The following PMPCB variants were observed in gnomAD, a reference collection of about 807,000 sequenced individuals.
PMPCB encodes the protein peptidase, mitochondrial processing subunit beta.
Under a neutral mutation model 61.5 loss-of-function variants are expected in PMPCB, and 46 were observed. The ratio of observed to expected loss-of-function variants is 0.75; its 90% CI spans 0.59 to 0.96. The LOEUF (loss-of-function observed/expected upper bound fraction) is 0.96, where lower values mean the gene tolerates loss of function less well. Ranked by LOEUF, PMPCB falls within the 40% of genes least tolerant of loss-of-function variation. The pLI is 0.00. For synonymous variants in PMPCB, 191 were observed against 201.6 expected (o/e 0.95, Z 0.44); for missense variants, 590 against 602.4 (o/e 0.98, Z 0.22).
chr7:103,346,139 GT>G, the PMPCB span, among the ~76,000 whole-genome samples: 2 of 151,404 alleles, frequency 1.3e-5, no homozygotes, highest in African/African-American at 4.9e-5. Context: ...TTTTTTTGTT[GT>G]TTTCTTTTCT....
At chr7:103,344,620 C>T in the PMPCB span, 2 of 1,610,668 alleles carry the variant, frequency 1.2e-6, no homozygotes, top group South Asian at 1.1e-5. Flanking sequence ...GCAGAAGCAG[C>T]ATGATGGCGC....
At chr7:103,318,432 C>T (rs1017854372), downstream of PMPCB, among the ~76,000 whole-genome samples, 2 of 152,182 alleles carry the variant, frequency 1.3e-5, no homozygotes, top group Non-Finnish European at 2.9e-5. Context: ...TTCTGACCTT[C>T]ATTTTAACTC....
At chr7:103,320,909 T>A (rs1449696221) in intron 12 of PMPCB, 2 of 161,382 alleles carry the variant, frequency 1.2e-5, no homozygotes, top group Non-Finnish European at 2.7e-5. Flanking sequence ...GAAATACATT[T>A]ATGCTTGGCC....
chr7:103,321,718 A>AGG (rs1267412985), intron 12 of PMPCB, among the ~76,000 whole-genome samples: 3 of 152,038 alleles, frequency 2.0e-5, no homozygotes, highest in East Asian at 1.9e-4. Context: ...GCGTGGTGGC[A>AGG]CACGCCTGTA....
chr7:103,341,613 A>G, the PMPCB span: 1 of 576,174 alleles, frequency 1.7e-6, no homozygotes, highest in African/African-American at 1.9e-5. Flanking sequence ...GGCTAGTGCT[A>G]ATGCTCTCAA....
At chr7:103,341,724 CA>C in the PMPCB span, 1 of 1,467,056 alleles carries the variant, frequency 6.8e-7, no homozygotes, top group Non-Finnish European at 9.1e-7. Context: ...CTATGTCTAA[CA>C]AAGCATCTGA....
chr7:103,342,746 C>A, the PMPCB span, among the ~76,000 whole-genome samples: 1 of 147,982 alleles, frequency 6.8e-6, no homozygotes, highest in South Asian at 2.2e-4. Context: ...GTAGCTGGGA[C>A]TACAGGCACC....
At chr7:103,297,911 T>C (rs1224433596) in intron 1 of PMPCB, 2 of 1,303,976 alleles carry the variant, frequency 1.5e-6, no homozygotes, top group Non-Finnish European at 2.0e-6. Flanking sequence ...AAGACTGAAC[T>C]TCGTCCTCAG....
chr7:103,309,728 G>C (rs1045250924), intron 8 of PMPCB, among the ~76,000 whole-genome samples: 1 of 152,128 alleles, frequency 6.6e-6, no homozygotes, highest in African/African-American at 2.4e-5. Flanking sequence ...TAATTTCCTT[G>C]TTTTTCACAA....
Position 103,309,063 on chromosome 7 carries a change from G to A in PMPCB, c.961G>A (p.Gly321Ser). 1 of 1,607,658 alleles carries A rather than the reference G, an allele frequency of 6.2e-7. No homozygotes were observed. The highest frequency in any genetic ancestry group is 8.5e-7 in the Non-Finnish European group (1 of 1,176,616). The change falls in exon 8 of 13, where the codon GGC becomes AGC. Residue 321 changes from glycine to serine, a missense_variant. Physicochemically the swap from Gly to Ser is moderately conservative, Grantham distance 56 (BLOSUM62 0). Coordinates refer to ENST00000249269, the MANE Select transcript of PMPCB (RefSeq NM_004279.3). ...ICLMVANTLIGNWDRSFGGGM... is the reference protein window; with the variant it reads ...ICLMVANTLISNWDRSFGGGM... ...TCTCATGGTTGCAAACACGCTGATTGGCAACTGGGATCGCTCTTTTGGGGG... is the reference window on the plus strand; with the variant it reads ...TCTCATGGTTGCAAACACGCTGATTAGCAACTGGGATCGCTCTTTTGGGGG...
At chr7:103,327,843 G>T in intron 12 of PMPCB, 1 of 723,694 alleles carries the variant, frequency 1.4e-6, no homozygotes, top group Non-Finnish European at 2.3e-6. Flanking sequence ...AAAATCATAA[G>T]GCTAATATTA....
chr7:103,345,397 CT>C, the PMPCB span, among the ~76,000 whole-genome samples: 1 of 151,998 alleles, frequency 6.6e-6, no homozygotes, highest in Non-Finnish European at 1.5e-5. Context: ...TGTATTCCTA[CT>C]ATATGCTTCC....
At chr7:103,344,387 C>G in the PMPCB span, 1 of 664,798 alleles carries the variant, frequency 1.5e-6, no homozygotes, top group Non-Finnish European at 2.6e-6. Context: ...TCCTTCTAAT[C>G]TAGGGTAGGA....
the PMPCB span, among the ~76,000 whole-genome samples, chr7:103,345,988 C>G: frequency 6.6e-6 from 1 of 151,960 alleles, no homozygotes; most frequent in Admixed American, 6.6e-5. Context: ...AAACCTCTTC[C>G]TGATCCCTAC....
At chr7:103,321,546 T>C (rs1187688219) in intron 12 of PMPCB, among the ~76,000 whole-genome samples, 1 of 151,270 alleles carries the variant, frequency 6.6e-6, no homozygotes, top group African/African-American at 2.4e-5. Flanking sequence ...AAATAATTTT[T>C]TTTTTTCAAG....
chr7:103,315,755 A>T, downstream of PMPCB: 1 of 1,610,504 alleles, frequency 6.2e-7, no homozygotes, highest in Non-Finnish European at 8.5e-7. Context: ...TTAGAAAAGC[A>T]AAATTTACCT....
intron 1 of PMPCB, 108 bp downstream of exon 1, chr7:103,297,666 C>T (rs896388716): frequency 6.5e-6 from 10 of 1,549,420 alleles, no homozygotes; most frequent in Non-Finnish European, 8.7e-6. Context: ...GCAGGGCCTC[C>T]TCGACCCGGA....
chr7:103,342,866 C>T, the PMPCB span, among the ~76,000 whole-genome samples: 1 of 152,024 alleles, frequency 6.6e-6, no homozygotes, highest in Non-Finnish European at 1.5e-5. Flanking sequence ...CCTCGGCCTG[C>T]CAAAATGCTG....
chr7:103,323,249 A>G (rs1029578143), intron 12 of PMPCB, among the ~76,000 whole-genome samples: 1 of 152,188 alleles, frequency 6.6e-6, no homozygotes, highest in Non-Finnish European at 1.5e-5. Context: ...GTTCTATTTA[A>G]TATTAATTTT....
Sources: allele counts gnomAD v4.1 joint callset (sites outside exome capture counted in the v4.1 genomes callset), GRCh38; gene constraint gnomAD v4.1.1; transcripts MANE v1.5; gene names NCBI Gene and HGNC (gene_info 2026-07-23, HGNC 2026-07-21).